The following USP3 variants were observed in gnomAD, a reference collection of about 807,000 sequenced individuals.
USP3 encodes ubiquitin specific peptidase 3.
In USP3, 20 loss-of-function variants were observed where a neutral mutation model predicts 72.3. That is an observed-to-expected ratio of 0.28 (90% CI 0.19 to 0.40). The LOEUF is 0.40. Ranked by LOEUF, USP3 falls within the 10% of genes least tolerant of loss-of-function variation. The pLI is 1.00. For synonymous variants in USP3, 222 were observed against 225.3 expected, an observed-to-expected ratio of 0.99 and a Z score of 0.13; for missense variants, 479 against 633.9, an observed-to-expected ratio of 0.76 and a Z score of 2.62.
chr15:63,567,927 A>G (rs545080395), intron 8 of USP3, among the ~76,000 whole-genome samples: 2 of 152,270 alleles, frequency 1.3e-5, no homozygotes, highest in Admixed American at 1.3e-4. Context: ...ATGGTTCAAG[A>G]CCTTCTAGGC....
intron 5 of USP3, 30 bp downstream of exon 5, chr15:63,556,778 G>A (rs1567113490): frequency 7.1e-7 from 1 of 1,410,256 alleles, no homozygotes; most frequent in South Asian, 1.3e-5. Flanking sequence ...TCAAATATAA[G>A]AGTTAGTTGA....
At chr15:63,549,458 T>C (rs2066404088) in intron 3 of USP3, among the ~76,000 whole-genome samples, 2 of 152,232 alleles carry the variant, frequency 1.3e-5, no homozygotes, top group African/African-American at 4.8e-5. Flanking sequence ...AAACTTCTTA[T>C]TATCAACGTC....
intron 1 of USP3, among the ~76,000 whole-genome samples, chr15:63,520,650 G>A (rs930321279): frequency 3.0e-5 from 4 of 132,140 alleles, no homozygotes; most frequent in South Asian, 2.6e-4. Context: ...TGCAGCCTCC[G>A]CCTCCCAGGT....
chr15:63,557,476 T>A (rs1460099059), intron 5 of USP3, among the ~76,000 whole-genome samples: 3 of 152,274 alleles, frequency 2.0e-5, no homozygotes, highest in East Asian at 1.9e-4. Flanking sequence ...TTGCTCAGGC[T>A]GGTCTCGAAC....
chr15:63,583,129 T>C (rs1049719809), intron 11 of USP3, among the ~76,000 whole-genome samples: 1 of 152,154 alleles, frequency 6.6e-6, no homozygotes, highest in Non-Finnish European at 1.5e-5. Flanking sequence ...GGAAAAAGGC[T>C]TCTCTGCTGT....
chr15:63,587,017 C>CACAA (rs1480700221), intron 11 of USP3, among the ~76,000 whole-genome samples: 1 of 152,132 alleles, frequency 6.6e-6, no homozygotes, highest in African/African-American at 2.4e-5. Context: ...CTGTCGCGGA[C>CACAA]ACAAAGGCTG....
At chr15:63,547,753 G>A (rs375612791) in intron 3 of USP3, among the ~76,000 whole-genome samples, 22 of 40,236 alleles carry the variant, frequency 5.5e-4, no homozygotes, top group South Asian at 1.3e-3. Context: ...AGGGAGGGAG[G>A]GAGGGAGGGA....
intron 3 of USP3, among the ~76,000 whole-genome samples, chr15:63,545,698 G>A (rs59980524): frequency 0.015 from 2,318 of 151,954 alleles, 43 homozygotes; most frequent in African/African-American, 0.049. Context: ...GGCCAGGCAC[G>A]GTAGCTCACA....
At chr15:63,582,181 A>AT (rs1241000782) in intron 11 of USP3, among the ~76,000 whole-genome samples, 1 of 152,100 alleles carries the variant, frequency 6.6e-6, no homozygotes, top group Non-Finnish European at 1.5e-5. Flanking sequence ...CATGTCTGTG[A>AT]TCCCAGCACT....
chr15:63,545,547 AT>A (rs2066307658), intron 3 of USP3, among the ~76,000 whole-genome samples: 1 of 151,838 alleles, frequency 6.6e-6, no homozygotes, highest in Admixed American at 6.6e-5. Flanking sequence ...AACATCTCTA[AT>A]ATGTACCCTA....
At chr15:63,509,716 C>T (rs1457843375) in intron 1 of USP3, among the ~76,000 whole-genome samples, 1 of 152,128 alleles carries the variant, frequency 6.6e-6, no homozygotes, top group African/African-American at 2.4e-5. Flanking sequence ...CTCCCCAACC[C>T]CGTCCCCCAG....
rs1201019693 is a variant in USP3 at position 63,593,319 on chromosome 15, C to T, written c.*2493C>T. 6.6e-6 allele frequency: 1 copy of T among 152,196 alleles called. No homozygotes were observed. The highest frequency in any genetic ancestry group is 1.5e-5 in the Non-Finnish European group (1 of 68,030). 9.4% of individuals were successfully genotyped at this position (152,196 alleles called of 1,614,324 possible). A position where few individuals can be genotyped will look rare whatever the true frequency, so the allele number is the denominator to read the frequency against. On this transcript the variant is annotated 3_prime_UTR_variant, in exon 15 of 15. Coordinates refer to ENST00000380324, the MANE Select transcript of USP3 (RefSeq NM_006537.4). ...TAATTCAACCTGAAATGTGAGTCTC[C>T]TTTGATCTTGCAAAGTATCTCCTAT... is the stretch of plus-strand genomic sequence containing the variant.
chr15:63,507,012 G>A (rs1477965403), intron 1 of USP3, among the ~76,000 whole-genome samples: 1 of 152,156 alleles, frequency 6.6e-6, no homozygotes, highest in African/African-American at 2.4e-5. Context: ...GTGATTAAAT[G>A]ATGAATCTGT....
At chr15:63,571,948 A>G (rs1224423489) in intron 9 of USP3, among the ~76,000 whole-genome samples, 1 of 152,208 alleles carries the variant, frequency 6.6e-6, no homozygotes, top group Non-Finnish European at 1.5e-5. Context: ...ATCTTGTGCA[A>G]TGTCTTTGTT....
chr15:63,523,440 C>G (rs2065943715), intron 1 of USP3, among the ~76,000 whole-genome samples: 1 of 152,172 alleles, frequency 6.6e-6, no homozygotes, highest in South Asian at 2.1e-4. Context: ...AGTCACATGA[C>G]CTGTATCATA....
chr15:63,520,940 C>A (rs1288556479), intron 1 of USP3, among the ~76,000 whole-genome samples: 1 of 151,940 alleles, frequency 6.6e-6, no homozygotes, highest in Non-Finnish European at 1.5e-5. Flanking sequence ...ATCATGGTTC[C>A]AAAAGTTAAA....
rs145687221 is a variant in USP3 at position 63,516,683 on chromosome 15, C to G, written c.91+11853C>G. Among the ~76,000 whole-genome samples the G allele has an allele frequency of 3.0e-3, 456 of 152,158 alleles. 2 individuals are homozygous for G. Among genetic ancestry groups the G allele is most frequent in the Middle Eastern group, 0.014 (4 of 294 alleles). ...AGAAACCTGATGCCTTCCTGATTTC[C>G]TCCTCCACATATGTCCTTTTATTCT... On this transcript the variant is annotated intron_variant, in intron 1 of 14. Coordinates refer to ENST00000380324, the MANE Select transcript of USP3 (RefSeq NM_006537.4).
At position 63,578,700 on chromosome 15, in the gene USP3, A is replaced by C. The variant is rs377678426; in HGVS notation, c.1096+4297A>C. Among the ~76,000 whole-genome samples, 6 of 152,290 alleles carry C rather than the reference A, an allele frequency of 3.9e-5. No homozygotes were observed. In the East Asian group the frequency reaches 1.2e-3, roughly 29 times the overall value. On this transcript the variant is annotated intron_variant, in intron 11 of 14. Coordinates refer to ENST00000380324, the MANE Select transcript of USP3 (RefSeq NM_006537.4). ...AAGCTATCAGTGATCATCATAGTTA[A>C]TGGTGAAGCACTGATGATTTTCCAG...
chr15:63,583,112 A>AG lies in USP3; in HGVS notation c.1097-5185dup, dbSNP rs200366703. Among the ~76,000 whole-genome samples, 229 of 151,618 alleles carry AG rather than the reference A, an allele frequency of 1.5e-3. 2 individuals carry two copies. Among genetic ancestry groups the AG allele is most frequent in the East Asian group, 4.8e-3 (25 of 5,158 alleles). Reference sequence around the variant, plus strand: ...AAGTGGGTCTGTACAGGTTAAATATAGGGGGGGGAAAAAGGCTTCTCTGCT... The same window carrying AG: ...AAGTGGGTCTGTACAGGTTAAATATAGGGGGGGGGAAAAAGGCTTCTCTGCT... On this transcript the variant is annotated intron_variant, in intron 11 of 14. Transcript: ENST00000380324.
Sources: gnomAD v4.1 joint callset for allele counts (sites outside exome capture counted in the v4.1 genomes callset) on GRCh38, gnomAD v4.1.1 for gene constraint, MANE v1.5 for transcripts, NCBI Gene and HGNC (gene_info 2026-07-23, HGNC 2026-07-21) for gene names.